Variants in IQSEC2 observed in about 807,000 individuals in gnomAD.
IQSEC2 encodes the protein IQ motif and SEC7 domain-containing protein 2.
In IQSEC2, 6 loss-of-function variants were observed where a neutral mutation model predicts 74.6. The observed-to-expected ratio is 0.08, with a 90% CI of 0.04 to 0.16. IQSEC2 has a LOEUF of 0.16. Ranked by LOEUF, IQSEC2 falls within the 10% of genes least tolerant of loss-of-function variation. IQSEC2 has a pLI of 1.00. For synonymous variants in IQSEC2, 494 were observed against 544.5 expected, an observed-to-expected ratio of 0.91 and a Z score of 1.29; for missense variants, 734 against 1,306.2, an observed-to-expected ratio of 0.56 and a Z score of 6.75.
chrX:53,295,391 T>A (rs2075140716), intron 1 of IQSEC2, among the ~76,000 whole-genome samples: 1 of 109,707 alleles, frequency 9.1e-6, no homozygotes, highest in Admixed American at 9.7e-5. Context: ...GATCACAAGG[T>A]CAGGAGATCG....
rs897962017 is a variant in IQSEC2, at chrX:53,234,300, G to A, written c.4386C>T (p.His1462=). The A allele has an allele frequency of 2.0e-5, 17 of 853,373 alleles. No homozygotes were observed. The East Asian group carries it at 2.3e-4, about 11-fold the overall frequency. The allele number at this position is 853,373 out of a possible 1,213,427, so 70.3% of individuals were successfully genotyped here. A position where few individuals can be genotyped will look rare whatever the true frequency, so the allele number is the denominator to read the frequency against. ...LPPTSPHGPL[H]ASGPPGTANP... ...TGGCTGTGCCAGGGGGCCCAGAGGC[G>A]TGCAGCGGGCCATGGGGGGAGGTGG... is the stretch of plus-strand genomic sequence containing the variant. Residue 1462 remains histidine, a synonymous_variant, in exon 15 of 15, where the codon CAC becomes CAT. Transcript: ENST00000642864.
At chrX:53,274,929 G>A (rs2074804119) in intron 2 of IQSEC2, among the ~76,000 whole-genome samples, 2 of 111,302 alleles carry the variant, frequency 1.8e-5, no homozygotes, top group Non-Finnish European at 3.8e-5. Context: ...GATATAGGCA[G>A]AGATATTAAC....
chrX:53,258,259 C>T (rs185530228), intron 2 of IQSEC2, among the ~76,000 whole-genome samples: 3 of 112,301 alleles, frequency 2.7e-5, no homozygotes. Context: ...AGAGCTCCCA[C>T]ACACAGCACA....
chrX:53,230,470 C>T (rs2074059724), downstream of IQSEC2: 2 of 113,080 alleles, frequency 1.8e-5, no homozygotes, highest in African/African-American at 6.4e-5. Flanking sequence ...CCACATGTGG[C>T]TAGTGGTTAC....
intron 6 of IQSEC2, 115 bp from the exon 7 acceptor site, chrX:53,248,351 A>G: frequency 2.1e-6 from 2 of 955,060 alleles, no homozygotes; most frequent in Non-Finnish European, 2.9e-6. Context: ...CAAATTCAGG[A>G]CCTGTGGCCC....
chrX:53,255,062 T>C, intron 3 of IQSEC2, 131 bp from the exon 4 acceptor site: 1 of 572,286 alleles, frequency 1.7e-6, no homozygotes. Flanking sequence ...CCAGGCTAGG[T>C]GCTCAGTGTT....
chrX:53,284,369 C>T (rs1556871401), intron 2 of IQSEC2, among the ~76,000 whole-genome samples: 1 of 109,711 alleles, frequency 9.1e-6, no homozygotes, highest in East Asian at 2.9e-4. Flanking sequence ...CCCCCACCTT[C>T]AACCTGCACC....
intron 8 of IQSEC2, among the ~76,000 whole-genome samples, chrX:53,245,858 CTTTTTTTTTTTT>C (rs368569948): frequency 0.084 from 6,371 of 75,625 alleles, 533 homozygotes; most frequent in African/African-American, 0.29. Flanking sequence ...CTCAATTGTT[CTTTTTTTTTTTT>C]TTTTTTTTTC....
chrX:53,265,506 C>T (rs1400079706), intron 2 of IQSEC2, among the ~76,000 whole-genome samples: 1 of 111,119 alleles, frequency 9.0e-6, no homozygotes, highest in Non-Finnish European at 1.9e-5. Context: ...AAACAAAGCT[C>T]AAGGAGAAGA....
At chrX:53,279,777 C>T in intron 2 of IQSEC2, 2 of 484,820 alleles carry the variant, frequency 4.1e-6, no homozygotes, top group Non-Finnish European at 7.3e-6. Flanking sequence ...AAAGGGAAGG[C>T]TGGGAGGAAT....
intron 1 of IQSEC2, among the ~76,000 whole-genome samples, chrX:53,295,736 G>A (rs2075145722): frequency 9.1e-6 from 1 of 110,429 alleles, no homozygotes; most frequent in South Asian, 3.9e-4. Context: ...AAGAATGGAG[G>A]CCTTGGAGCT....
chrX:53,236,064 AGAG>A (rs1556859582), intron 13 of IQSEC2, among the ~76,000 whole-genome samples: 1 of 111,520 alleles, frequency 9.0e-6, no homozygotes, highest in Admixed American at 9.4e-5. Flanking sequence ...AAGAGGGAGA[AGAG>A]GAGGAGAGGG....
In IQSEC2 at chrX:53,234,823, G is replaced by A; in HGVS notation, c.3863C>T (p.Pro1288Leu). ...CTGCTGGGGAGGTGGGGGAAGAGAG[G>A]GCTGCTGGGGTGGGAGGTAGGGTGG... ...APPPYLPPQQ[P>L]SLPPPPQQPP... The change falls in exon 15 of 15, where the codon CCC (proline) becomes CTC (leucine). Residue 1288 changes from proline to leucine, a missense_variant. Transcript: ENST00000642864. The A allele has an allele frequency of 8.9e-7, 1 of 1,124,547 alleles. No individual in the cohort carries two copies. The highest frequency in any genetic ancestry group is 1.2e-6 in the Non-Finnish European group (1 of 850,270). The allele number at this position is 1,124,547 out of a possible 1,213,427, so 92.7% of individuals were successfully genotyped here.
intron 10 of IQSEC2, among the ~76,000 whole-genome samples, chrX:53,241,249 G>A (rs1238309335): frequency 6.3e-5 from 7 of 111,070 alleles, no homozygotes; most frequent in African/African-American, 2.3e-4. Context: ...GGGACTACAG[G>A]TGCACACCAC....
At chrX:53,299,065 T>TTCTC (rs2075184045) in intron 1 of IQSEC2, among the ~76,000 whole-genome samples, 1 of 110,210 alleles carries the variant, frequency 9.1e-6, no homozygotes, top group African/African-American at 3.3e-5. Flanking sequence ...TTTTCTTTCT[T>TTCTC]TCTCTCTCTC....
chrX:53,243,169 C>G (rs1261574086), intron 9 of IQSEC2, among the ~76,000 whole-genome samples, 163 bp downstream of exon 9: 2 of 111,917 alleles, frequency 1.8e-5, no homozygotes, highest in Non-Finnish European at 3.8e-5. Flanking sequence ...GGAATGTGCT[C>G]GATGCATTCA....
chrX:53,280,908 CTG>C lies in IQSEC2; in HGVS notation c.737+10985_737+10986del, dbSNP rs1290557451. Among the ~76,000 whole-genome samples, 3 of 112,410 alleles carry C rather than the reference CTG, an allele frequency of 2.7e-5. No homozygotes were observed. The East Asian group carries it at 8.4e-4, about 32-fold the overall frequency. On this transcript the variant is annotated intron_variant, in intron 2 of 14. Transcript: ENST00000642864. ...TCCCCCACAAGCCCACAGAGGCAGA[CTG>C]TGGTCAGGGCCTGGCCATTCAAAAG...
At chrX:53,241,505 A>G (rs1373239598) in intron 10 of IQSEC2, among the ~76,000 whole-genome samples, 1 of 111,726 alleles carries the variant, frequency 9.0e-6, no homozygotes, top group Non-Finnish European at 1.9e-5. Context: ...TGAGGTGGAC[A>G]GGGATATTTC....
chrX:53,261,181 G>A (rs189945060), intron 2 of IQSEC2, among the ~76,000 whole-genome samples: 90 of 111,338 alleles, frequency 8.1e-4, no homozygotes, highest in Non-Finnish European at 1.3e-3. Flanking sequence ...AACACTCGGG[G>A]ACATGCTGAT....
Sources: allele counts gnomAD v4.1 joint callset (sites outside exome capture counted in the v4.1 genomes callset), GRCh38; gene constraint gnomAD v4.1.1; transcripts MANE v1.5; gene names NCBI Gene and HGNC (gene_info 2026-07-23, HGNC 2026-07-21).